HPS1: variants seen among roughly 807,000 people sequenced by gnomAD.
The protein encoded by HPS1 is HPS1 biogenesis of lysosomal organelles complex 3 subunit 1.
HPS1 carries 59 observed loss-of-function variants against 90.6 expected under a neutral mutation model. That is an observed-to-expected ratio of 0.65 (90% CI 0.53 to 0.81). The LOEUF is 0.81. Among genes scored for constraint, HPS1 ranks in the 30% least tolerant of loss-of-function variants. HPS1 has a pLI of 0.00. For missense variants in HPS1, 849 were observed against 896.7 expected (o/e 0.95, Z 0.68); for synonymous variants, 388 against 384.4 (o/e 1.01, Z -0.11).
At chr10:98,430,841 G>C (rs1846345818) in intron 7 of HPS1, among the ~76,000 whole-genome samples, 171 bp from the exon 8 acceptor site, 1 of 152,166 alleles carries the variant, frequency 6.6e-6, no homozygotes, top group South Asian at 2.1e-4. Flanking sequence ...AATAAAACTT[G>C]GTTGTATAGA....
intron 3 of HPS1, among the ~76,000 whole-genome samples, chr10:98,441,832 A>G (rs1225187891): frequency 1.8e-4 from 27 of 152,270 alleles, no homozygotes; most frequent in Non-Finnish European, 1.2e-4. Context: ...AAGACGGACT[A>G]TAGTGTTGGT....
At chr10:98,420,512 G>A (rs1346945872) in intron 17 of HPS1, 7 of 349,026 alleles carry the variant, frequency 2.0e-5, no homozygotes, top group Non-Finnish European at 3.4e-5. Flanking sequence ...TCAGGAGTTC[G>A]AGACCATCCT....
intron 6 of HPS1, among the ~76,000 whole-genome samples, chr10:98,433,539 T>G (rs1240399586): frequency 6.6e-6 from 1 of 152,114 alleles, no homozygotes; most frequent in Admixed American, 6.5e-5. Context: ...TAACCTAGAG[T>G]TGCAGGCTCA....
Position 98,435,407 on chromosome 10 carries a change from T to C in HPS1, c.263A>G (p.Glu88Gly), listed in dbSNP as rs752467438. The C allele has an allele frequency of 1.2e-6, 2 of 1,613,380 alleles. No homozygotes were observed. Among genetic ancestry groups the C allele is most frequent in the Non-Finnish European group, 1.7e-6 (2 of 1,179,918 alleles). ...ACCATTGATGGCAATGAACAGGCAT[T>C]CTCCAAACTGCAGGCACAGGCAGGC... Reference protein sequence around the residue: ...NFLYVLHLFGECLFIAINGDH... With the variant: ...NFLYVLHLFGGCLFIAINGDH... Residue 88 changes from glutamate (E) to glycine (G), a missense_variant, in exon 5 of 20, where the codon GAA (glutamate) becomes GGA (glycine). By Grantham distance (98) the Glu-to-Gly change is moderately conservative. Coordinates refer to ENST00000361490, the MANE Select transcript of HPS1 (RefSeq NM_000195.5). This position sits in a 1 kb window ranked among gnomAD's most constrained non-coding sequence, Gnocchi z 4.3.
intron 18 of HPS1, 99 bp from the exon 19 acceptor site, chr10:98,418,356 G>A (rs1331545668): frequency 1.7e-5 from 10 of 595,704 alleles, no homozygotes; most frequent in African/African-American, 7.5e-5. Flanking sequence ...TGTCATGTGC[G>A]CTGGGTGCTT....
At chr10:98,426,097 CA>C in intron 11 of HPS1, 112 bp from the exon 12 acceptor site, 1 of 987,670 alleles carries the variant, frequency 1.0e-6, no homozygotes, top group Non-Finnish European at 1.5e-6. Context: ...CAAGAAACTC[CA>C]GTTTTTAAAT....
intron 11 of HPS1, among the ~76,000 whole-genome samples, chr10:98,426,295 G>A (rs752958831): frequency 2.4e-4 from 36 of 152,246 alleles, no homozygotes; most frequent in Admixed American, 6.5e-4. Context: ...GATGGGGAGT[G>A]GACGGGGAGA....
intron 10 of HPS1, among the ~76,000 whole-genome samples, chr10:98,428,441 C>T (rs766850522): frequency 7.9e-5 from 12 of 152,220 alleles, no homozygotes; most frequent in Non-Finnish European, 1.8e-4. Flanking sequence ...AATCTGTGCA[C>T]AGCAGTGGTT....
At chr10:98,431,451 C>T in intron 6 of HPS1, 160 bp from the exon 7 acceptor site, 1 of 705,674 alleles carries the variant, frequency 1.4e-6, no homozygotes, top group South Asian at 1.8e-5. Flanking sequence ...TCCCAGCCTT[C>T]CTGAGGCTTA....
At chr10:98,437,933 T>C (rs899198878) in intron 3 of HPS1, among the ~76,000 whole-genome samples, 1 of 152,158 alleles carries the variant, frequency 6.6e-6, no homozygotes, top group African/African-American at 2.4e-5. Context: ...GTTCTCAACT[T>C]GTTCTCATGA....
chr10:98,430,696 C>T, intron 7 of HPS1, 26 bp from the exon 8 acceptor site: 1 of 1,533,450 alleles, frequency 6.5e-7, no homozygotes, highest in Non-Finnish European at 8.8e-7. Flanking sequence ...CATGGCCACC[C>T]ATCAGCACAT....
intron 3 of HPS1, among the ~76,000 whole-genome samples, chr10:98,439,814 A>G (rs1938087821): frequency 6.6e-6 from 1 of 152,118 alleles, no homozygotes; most frequent in Non-Finnish European, 1.5e-5. Context: ...CCCCATCCAA[A>G]TCTCATCTTG....
chr10:98,423,836 C>T lies in HPS1; in HGVS notation c.1449G>A (p.Arg483=), dbSNP rs766355698. 19 of 1,613,828 alleles carry T rather than the reference C, an allele frequency of 1.2e-5. No homozygotes were observed. The African/African-American group carries it at 2.3e-4, about 19-fold the overall frequency. The stretch of plus-strand genomic sequence containing the variant: ...TGGGGGCTGTGGTCAGAAAGTTCAG[C>T]CGGTAGATGGCGCAGAGCTGCCGCT... ...KLKRQLCAIY[R]LNFLTTAPSR... Residue 483 remains arginine, a synonymous_variant, in exon 15 of 20, where the codon CGG becomes CGA. Coordinates refer to ENST00000361490, the MANE Select transcript of HPS1 (RefSeq NM_000195.5).
chr10:98,423,540 A>T, intron 16 of HPS1, 63 bp downstream of exon 16: 1 of 1,445,758 alleles, frequency 6.9e-7, no homozygotes, highest in Non-Finnish European at 9.7e-7. Context: ...TCCAGGGAGC[A>T]GGTGTAGAGG....
chr10:98,429,791 C>T lies in HPS1; in HGVS notation c.867G>A (p.Thr289=), dbSNP rs770077009. The change falls in exon 9 of 20, where the codon ACG becomes ACA. Residue 289 remains threonine, a splice_region_variant and synonymous_variant. Coordinates refer to ENST00000361490, the MANE Select transcript of HPS1 (RefSeq NM_000195.5). The stretch of plus-strand genomic sequence containing the variant: ...ACTCCACGAAGTGCACAGCACACAC[C>T]GTCTCTGCAGAGCTCCCCCCAGTTG... The part of the protein sequence containing the change: ...TGPTGGSSAE[T]ETDSFSLPEE... The T allele has an allele frequency of 1.4e-5, 23 of 1,613,702 alleles. No individual in the cohort carries two copies. Among genetic ancestry groups the T allele is most frequent in the East Asian group, 8.9e-5 (4 of 44,890 alleles).
intron 3 of HPS1, among the ~76,000 whole-genome samples, chr10:98,440,417 G>A (rs914258106): frequency 2.0e-5 from 3 of 151,988 alleles, no homozygotes; most frequent in Non-Finnish European, 4.4e-5. Context: ...TTAAATAAAG[G>A]ATGATACACT....
rs753712535 is a variant in HPS1, at chr10:98,423,725, GC to G, written c.1532+27del. ...AGTACGGGCCCCAGACCCTGCCCTG[GC>G]CACCCAGGGGGCCGCACTGCACTTA... On this transcript the variant is annotated intron_variant, in intron 15 of 19. Coordinates refer to ENST00000361490, the MANE Select transcript of HPS1 (RefSeq NM_000195.5). 6 of 1,614,082 alleles carry G rather than the reference GC, an allele frequency of 3.7e-6. No individual in the cohort carries two copies. In the South Asian group the frequency reaches 6.6e-5, roughly 18 times the overall value.
In HPS1 at chr10:98,425,430, G is replaced by T; in HGVS notation, c.1335+111C>A. On this transcript the variant is annotated intron_variant, in intron 13 of 19. Coordinates refer to ENST00000361490, the MANE Select transcript of HPS1 (RefSeq NM_000195.5). ...GGATCGTAGGCCCGGGGGAGGTGGA[G>T]CCCGGACAGGAACCCAGGCCCATTG... The T allele has an allele frequency of 2.9e-6, 3 of 1,041,614 alleles. No individual in the cohort carries two copies. In the South Asian group the frequency reaches 4.1e-5, roughly 14 times the overall value. The allele number at this position is 1,041,614 out of a possible 1,614,324, so 64.5% of individuals were successfully genotyped here. A position where few individuals can be genotyped will look rare whatever the true frequency, so the allele number is the denominator to read the frequency against.
At chr10:98,444,314 T>G (rs112696035) in intron 2 of HPS1, among the ~76,000 whole-genome samples, 1 of 150,370 alleles carries the variant, frequency 6.7e-6, no homozygotes, top group African/African-American at 2.4e-5. Flanking sequence ...GTAAGAAATG[T>G]CTTAACTATT....
Sources: allele counts gnomAD v4.1 joint callset (sites outside exome capture counted in the v4.1 genomes callset), GRCh38; gene constraint gnomAD v4.1.1; non-coding constraint Gnocchi (gnomAD v3.1); transcripts MANE v1.5; gene names NCBI Gene and HGNC (gene_info 2026-07-23, HGNC 2026-07-21).